Variants in TBC1D1 observed in about 807,000 individuals in gnomAD.
The protein encoded by TBC1D1 is TBC1 (tre-2/USP6, BUB2, cdc16) domain family, member 1.
TBC1D1 carries 89 observed loss-of-function variants against 125.6 expected under a neutral mutation model. The observed-to-expected ratio is 0.71, with a 90% CI of 0.60 to 0.85. TBC1D1 has a LOEUF of 0.85. Among genes scored for constraint, TBC1D1 ranks in the 40% least tolerant of loss-of-function variants. The probability of loss-of-function intolerance (pLI) is 0.00; values close to 1 mark genes in which losing one functional copy is unlikely to be tolerated. For synonymous variants in TBC1D1, 565 were observed against 564.1 expected (o/e 1.00, Z -0.02); for missense variants, 1,377 against 1,469.2 (o/e 0.94, Z 1.03).
intron 18 of TBC1D1, among the ~76,000 whole-genome samples, chr4:38,127,035 T>A (rs1764768605): frequency 6.6e-6 from 1 of 152,020 alleles, no homozygotes; most frequent in Admixed American, 6.6e-5. Flanking sequence ...ATGTACTTAC[T>A]TACATTTACA....
At chr4:37,975,859 T>C (rs1732966914) in intron 2 of TBC1D1, among the ~76,000 whole-genome samples, 1 of 152,352 alleles carries the variant, frequency 6.6e-6, no homozygotes, top group East Asian at 1.9e-4. Context: ...CTATATCTAG[T>C]ATAACTATTC....
rs1737534564 is a variant in TBC1D1, at chr4:37,995,191, T to C, written c.418-19318T>C. On this transcript the variant is annotated intron_variant, in intron 2 of 19. Transcript: ENST00000261439. This position sits in a 1 kb window ranked among gnomAD's most constrained non-coding sequence, Gnocchi z 4.3. ...TGGAGCGATGGGTGCTAAAAGGAGA[T>C]GAGATTTTCTTCCTCATATGCTAGG... 6.6e-6 allele frequency among the ~76,000 whole-genome samples: 1 copy of C among 152,188 alleles called. No homozygotes were observed. The highest frequency in any genetic ancestry group is 1.5e-5 in the Non-Finnish European group (1 of 68,032).
chr4:38,051,231 TC>T (rs1015845886), intron 11 of TBC1D1, among the ~76,000 whole-genome samples: 10 of 152,168 alleles, frequency 6.6e-5, no homozygotes, highest in African/African-American at 2.4e-4. Context: ...ATGTCACACA[TC>T]CGTAATGGGA....
intron 2 of TBC1D1, chr4:37,952,112 C>T (rs1728001924): frequency 2.8e-6 from 2 of 716,334 alleles, no homozygotes; most frequent in Non-Finnish European, 5.2e-6. Context: ...CAACGTGAAG[C>T]TTGCTGCAAG....
chr4:38,104,597 C>G (rs1212303749), intron 15 of TBC1D1, among the ~76,000 whole-genome samples: 2 of 152,178 alleles, frequency 1.3e-5, no homozygotes, highest in Non-Finnish European at 2.9e-5. Flanking sequence ...ACAGAACACA[C>G]AGTGCTTTGG....
intron 2 of TBC1D1, among the ~76,000 whole-genome samples, chr4:37,939,948 A>G (rs1725198730): frequency 6.6e-6 from 1 of 152,224 alleles, no homozygotes; most frequent in Admixed American, 6.5e-5. Flanking sequence ...GTTTGAAGTC[A>G]GGTAGCATGA....
chr4:37,946,812 G>C (rs1344933590), intron 2 of TBC1D1, among the ~76,000 whole-genome samples: 1 of 152,152 alleles, frequency 6.6e-6, no homozygotes, highest in Non-Finnish European at 1.5e-5. Context: ...CTTCTCCTGG[G>C]CTATGCCAAA....
At chr4:38,061,143 C>T (rs1466055455) in intron 12 of TBC1D1, among the ~76,000 whole-genome samples, 1 of 152,198 alleles carries the variant, frequency 6.6e-6, no homozygotes, top group African/African-American at 2.4e-5. Context: ...GACCATATGC[C>T]AGGTGAACCC....
In TBC1D1 at chr4:38,090,010, C is replaced by G. The variant is rs1758164796; in HGVS notation, c.2129C>G (p.Pro710Arg). Residue 710 changes from proline to arginine, a missense_variant, in exon 13 of 20, where the codon CCA (proline) becomes CGA (arginine). This residue lies in a region of TBC1D1 where 543 missense variants were observed against 613.5 expected (regional missense o/e 0.89). Transcript: ENST00000261439. ...GAAGATGGGCCCTTTGGCCCCCCAC[C>G]AGAGGAAAAGAAAAGGACATCTCGT... is the stretch of plus-strand genomic sequence containing the variant. 1.9e-6 allele frequency: 3 copies of G among 1,614,126 alleles called. No homozygotes were observed. In the East Asian group the frequency reaches 6.7e-5, roughly 36 times the overall value.
At chr4:37,978,278 ATG>A (rs1322373270) in intron 2 of TBC1D1, among the ~76,000 whole-genome samples, 1 of 152,146 alleles carries the variant, frequency 6.6e-6, no homozygotes, top group Non-Finnish European at 1.5e-5. Flanking sequence ...AGGTGTCTGA[ATG>A]TGTTTTAAAG....
At chr4:38,103,180 A>T in intron 15 of TBC1D1, 23 bp downstream of exon 17, 2 of 1,592,996 alleles carry the variant, frequency 1.3e-6, no homozygotes, top group East Asian at 4.5e-5. Flanking sequence ...CATCGATTGG[A>T]GATGACAATG....
At chr4:37,925,098 G>C (rs145864241) in intron 2 of TBC1D1, among the ~76,000 whole-genome samples, 38 of 152,322 alleles carry the variant, frequency 2.5e-4, no homozygotes, top group Middle Eastern at 3.4e-3. Context: ...AAGCCGTGAA[G>C]GAACACACAT....
rs368193114 is a variant in TBC1D1 at position 38,124,869 on chromosome 4, A to G, written c.2963-93A>G. 4.6e-5 allele frequency: 50 copies of G among 1,080,160 alleles called. No homozygotes were observed. The African/African-American group carries it at 7.7e-4, about 17-fold the overall frequency. The allele number at this position is 1,080,160 out of a possible 1,614,324, so 66.9% of individuals were successfully genotyped here. On this transcript the variant is annotated intron_variant, in intron 17 of 19. Coordinates refer to ENST00000261439, the MANE Select transcript of TBC1D1 (RefSeq NM_015173.4). ...TGCAATGTGGGGCTATGTCTCCCAC[A>G]CTCCTGCTCTGTGATGTGTGGAAAA...
At chr4:38,103,682 C>CAGTT (rs1416786965) in intron 15 of TBC1D1, among the ~76,000 whole-genome samples, 2 of 152,176 alleles carry the variant, frequency 1.3e-5, no homozygotes, top group Non-Finnish European at 2.9e-5. Flanking sequence ...GAACAATATA[C>CAGTT]AGTCAGCCCT....
chr4:38,023,828 T>TTCA, intron 6 of TBC1D1, among the ~76,000 whole-genome samples: 1 of 152,232 alleles, frequency 6.6e-6, no homozygotes, highest in Non-Finnish European at 1.5e-5. Context: ...TTCGGTTATA[T>TTCA]ATCCAGAAAT....
chr4:38,066,305 TTGAG>T (rs1388037487), intron 12 of TBC1D1, among the ~76,000 whole-genome samples: 2 of 150,724 alleles, frequency 1.3e-5, no homozygotes, highest in African/African-American at 4.9e-5. Context: ...GGCTTCCTAG[TTGAG>T]TGGTTTATGT....
chr4:37,963,820 A>G (rs1476108858), intron 2 of TBC1D1, among the ~76,000 whole-genome samples: 4 of 152,200 alleles, frequency 2.6e-5, no homozygotes, highest in South Asian at 4.1e-4. Context: ...AAAAAATCCA[A>G]TATCGGACTC....
Position 38,137,188 on chromosome 4 carries a change from C to T in TBC1D1, c.3360C>T (p.Ser1120=). 3.1e-6 allele frequency: 5 copies of T among 1,613,312 alleles called. No homozygotes were observed. The highest frequency in any genetic ancestry group is 4.2e-6 in the Non-Finnish European group (5 of 1,180,022). Reference sequence around the variant, plus strand: ...AGGCCACCATTGAGAAGCTCCTGAGCAGTGAGAGCAAGCTGAAGCAGGCCA... The same window carrying T: ...AGGCCACCATTGAGAAGCTCCTGAGTAGTGAGAGCAAGCTGAAGCAGGCCA... Residue 1120 remains serine (S), a synonymous_variant, in exon 20 of 20, where the codon AGC becomes AGT. Transcript: ENST00000261439.
intron 7 of TBC1D1, among the ~76,000 whole-genome samples, chr4:38,034,095 G>T (rs1215562464): frequency 2.0e-5 from 3 of 152,194 alleles, no homozygotes; most frequent in Admixed American, 2.0e-4. Context: ...TTCCAAAGTG[G>T]CTGTACTGTT....
Sources: gnomAD v4.1 joint callset for allele counts (sites outside exome capture counted in the v4.1 genomes callset) on GRCh38, gnomAD v4.1.1 for gene constraint, gnomAD v4.1.1 regional missense constraint, Gnocchi (gnomAD v3.1) non-coding constraint, MANE v1.5 for transcripts, NCBI Gene and HGNC (gene_info 2026-07-23, HGNC 2026-07-21) for gene names.